DAB1: variants seen among roughly 807,000 people sequenced by gnomAD.
The protein encoded by DAB1 is DAB adaptor protein 1.
Under a neutral mutation model 64.6 loss-of-function variants are expected in DAB1, and 15 were observed. The observed-to-expected ratio is 0.23, with a 90% CI of 0.16 to 0.36. DAB1 has a LOEUF of 0.36. Among genes scored for constraint, DAB1 ranks in the 10% least tolerant of loss-of-function variants. The pLI is 1.00. For synonymous variants in DAB1, 235 were observed against 251.9 expected (o/e 0.93, Z 0.64); for missense variants, 596 against 706.7 (o/e 0.84, Z 1.78).
At chr1:58,363,064 A>G (rs987400484) in intron 3 of DAB1, among the ~76,000 whole-genome samples, 2 of 152,166 alleles carry the variant, frequency 1.3e-5, no homozygotes, top group African/African-American at 4.8e-5. Flanking sequence ...TTATAACAGC[A>G]CTAACCCATC....
At chr1:57,781,116 CTCTCTCTCTCTATATA>C (rs1363714436) in intron 6 of DAB1, among the ~76,000 whole-genome samples, 10 of 59,038 alleles carry the variant, frequency 1.7e-4, no homozygotes, top group Non-Finnish European at 2.5e-4. Context: ...CTCTCTCTCT[CTCTCTCTCTCTATATA>C]TATATATATA....
At chr1:58,509,107 C>G (rs72672216) in intron 2 of DAB1, among the ~76,000 whole-genome samples, 15,358 of 151,966 alleles carry the variant, frequency 0.1, 999 homozygotes, top group Non-Finnish European at 0.15. Context: ...TCTGTAAAGG[C>G]TAAGAGGTTG....
intron 3 of DAB1, among the ~76,000 whole-genome samples, chr1:57,140,941 A>C (rs1193599845): frequency 2.0e-5 from 3 of 152,164 alleles, no homozygotes; most frequent in Admixed American, 1.3e-4. Context: ...TATGATGTAC[A>C]TGAAAGGGCT....
chr1:57,479,688 G>A (rs958890240), intron 7 of DAB1, among the ~76,000 whole-genome samples: 9 of 152,062 alleles, frequency 5.9e-5, no homozygotes, highest in African/African-American at 2.2e-4. Flanking sequence ...TTTCTGGCAG[G>A]TGATGCACAA....
intron 6 of DAB1, among the ~76,000 whole-genome samples, chr1:57,668,724 T>C (rs1253105553): frequency 2.0e-5 from 3 of 152,120 alleles, no homozygotes; most frequent in Non-Finnish European, 2.9e-5. Context: ...GGACACTCTC[T>C]AGATCCTAAA....
intron 7 of DAB1, among the ~76,000 whole-genome samples, chr1:57,558,980 A>G (rs1340658259): frequency 2.0e-5 from 3 of 152,194 alleles, no homozygotes; most frequent in Non-Finnish European, 4.4e-5. Flanking sequence ...GCTCTTCTCC[A>G]TATGTCGGGT....
At chr1:57,628,552 A>C (rs1257204722) in intron 7 of DAB1, among the ~76,000 whole-genome samples, 1 of 152,106 alleles carries the variant, frequency 6.6e-6, no homozygotes, top group African/African-American at 2.4e-5. Context: ...GTCCCATAAA[A>C]TCCCATCCAA....
intron 6 of DAB1, among the ~76,000 whole-genome samples, chr1:57,809,150 G>A (rs1651502426): frequency 6.6e-6 from 1 of 152,034 alleles, no homozygotes; most frequent in Non-Finnish European, 1.5e-5. Context: ...TTGCATATTG[G>A]CAATTGTATC....
intron 6 of DAB1, among the ~76,000 whole-genome samples, chr1:57,690,896 T>C (rs1051392072): frequency 6.6e-6 from 1 of 152,200 alleles, no homozygotes; most frequent in Non-Finnish European, 1.5e-5. Context: ...TGATGATATA[T>C]TATGTTGAGC....
chr1:57,784,589 A>G (rs1184577405), intron 6 of DAB1, among the ~76,000 whole-genome samples: 1 of 152,204 alleles, frequency 6.6e-6, no homozygotes, highest in Non-Finnish European at 1.5e-5. Context: ...AAACCAGCTG[A>G]GCCATTCCCT....
At chr1:57,939,501 A>T (rs772188518) in intron 5 of DAB1, among the ~76,000 whole-genome samples, 1 of 152,200 alleles carries the variant, frequency 6.6e-6, no homozygotes, top group Non-Finnish European at 1.5e-5. Flanking sequence ...ATTCTTTCAG[A>T]AACAAATTTC....
intron 6 of DAB1, among the ~76,000 whole-genome samples, chr1:57,798,655 T>C (rs1051973524): frequency 1.3e-5 from 2 of 152,246 alleles, no homozygotes; most frequent in Non-Finnish European, 2.9e-5. Context: ...TTTCTGCCTA[T>C]AACATGTCCT....
At chr1:57,488,136 G>A (rs1381424964) in intron 7 of DAB1, among the ~76,000 whole-genome samples, 2 of 152,212 alleles carry the variant, frequency 1.3e-5, no homozygotes, top group Non-Finnish European at 2.9e-5. Context: ...AGACACGGCG[G>A]CTCACACCTG....
chr1:57,659,014 G>A (rs966635410), intron 6 of DAB1, among the ~76,000 whole-genome samples: 1 of 152,110 alleles, frequency 6.6e-6, no homozygotes, highest in Admixed American at 6.5e-5. Context: ...ATCCCTTTAA[G>A]CAATATGAAA....
intron 6 of DAB1, among the ~76,000 whole-genome samples, chr1:57,736,109 G>A (rs1315328134): frequency 2.0e-5 from 3 of 152,216 alleles, no homozygotes; most frequent in East Asian, 1.9e-4. Context: ...CTCCCCGTAC[G>A]GACGGCTATA....
At chr1:57,903,239 C>T (rs538512457) in intron 5 of DAB1, among the ~76,000 whole-genome samples, 16 of 152,214 alleles carry the variant, frequency 1.1e-4, no homozygotes, top group Admixed American at 3.9e-4. Flanking sequence ...CTATCAGCAT[C>T]GGTTGTTAAT....
chr1:57,323,279 C>G (rs1675871919), intron 1 of DAB1, among the ~76,000 whole-genome samples: 1 of 152,170 alleles, frequency 6.6e-6, no homozygotes, highest in Admixed American at 6.5e-5. Context: ...GATGCATAAA[C>G]AGCCCAGAAG....
intron 5 of DAB1, among the ~76,000 whole-genome samples, chr1:57,973,322 G>A (rs1039076040): frequency 6.6e-6 from 1 of 152,158 alleles, no homozygotes; most frequent in African/African-American, 2.4e-5. Flanking sequence ...GGCAATGCAG[G>A]CCTGCCAACA....
chr1:58,028,811 C>A (rs764724254), intron 5 of DAB1, among the ~76,000 whole-genome samples: 2 of 152,114 alleles, frequency 1.3e-5, no homozygotes, highest in Non-Finnish European at 1.5e-5. Flanking sequence ...TCTTCACAGA[C>A]GAGGAATCTG....
Sources: gnomAD v4.1 joint callset for allele counts (sites outside exome capture counted in the v4.1 genomes callset) on GRCh38, gnomAD v4.1.1 for gene constraint, MANE v1.5 for transcripts, NCBI Gene and HGNC (gene_info 2026-07-23, HGNC 2026-07-21) for gene names.